Variants in CDC14A observed in about 807,000 individuals in gnomAD.
The protein encoded by CDC14A is cell division cycle 14A.
A neutral mutation model predicts 74.4 loss-of-function variants in CDC14A; 53 were observed. The observed-to-expected ratio is 0.71, with a 90% CI of 0.57 to 0.89. CDC14A has a LOEUF of 0.89. CDC14A is among the 40% of genes least tolerant of loss of function. The pLI is 0.00. For missense variants in CDC14A, 646 were observed against 713.7 expected, an observed-to-expected ratio of 0.91 and a Z score of 1.08; for synonymous variants, 247 against 258.4, an observed-to-expected ratio of 0.96 and a Z score of 0.43.
intron 7 of CDC14A, among the ~76,000 whole-genome samples, chr1:100,443,587 G>A (rs1331743295): frequency 1.3e-5 from 2 of 151,500 alleles, no homozygotes; most frequent in Non-Finnish European, 2.9e-5. Context: ...CTCTTGCCTC[G>A]GCCTCCCAAA....
At chr1:100,474,543 G>C (rs1668703970) in intron 10 of CDC14A, among the ~76,000 whole-genome samples, 2 of 150,566 alleles carry the variant, frequency 1.3e-5, no homozygotes, top group Non-Finnish European at 3.0e-5. Flanking sequence ...GGTGAATTAT[G>C]GTAGTTTGTT....
chr1:100,406,782 C>T (rs1197962500), intron 4 of CDC14A, among the ~76,000 whole-genome samples: 1 of 151,934 alleles, frequency 6.6e-6, no homozygotes, highest in East Asian at 1.9e-4. Context: ...AAAAATTAGC[C>T]AGGCTTGGTG....
chr1:100,492,014 T>C (rs966186768), intron 11 of CDC14A, among the ~76,000 whole-genome samples: 3 of 151,876 alleles, frequency 2.0e-5, no homozygotes, highest in African/African-American at 7.3e-5. Context: ...TTAAGTAAAC[T>C]TGAGGGGAGG....
upstream of CDC14A, chr1:100,351,895 C>G: frequency 8.5e-7 from 1 of 1,175,234 alleles, no homozygotes; most frequent in Non-Finnish European, 1.2e-6. Context: ...GATGCAGACC[C>G]CCTCAGTGTT....
At chr1:100,493,891 C>G (rs1271279395) in intron 11 of CDC14A, among the ~76,000 whole-genome samples, 1 of 152,156 alleles carries the variant, frequency 6.6e-6, no homozygotes, top group Non-Finnish European at 1.5e-5. Flanking sequence ...GATGGAAGTA[C>G]ATTTTTCATC....
chr1:100,415,484 G>A (rs916502921), intron 4 of CDC14A, among the ~76,000 whole-genome samples: 2 of 152,144 alleles, frequency 1.3e-5, no homozygotes, highest in Non-Finnish European at 2.9e-5. Flanking sequence ...CTGATGTCAG[G>A]TTCTGCTTAA....
intron 4 of CDC14A, among the ~76,000 whole-genome samples, chr1:100,409,605 G>A (rs1006632964): frequency 4.6e-5 from 7 of 152,198 alleles, no homozygotes; most frequent in African/African-American, 1.7e-4. Context: ...AAACAAAGGG[G>A]CTACAGGCCC....
chr1:100,392,893 C>G, intron 4 of CDC14A: 1 of 549,390 alleles, frequency 1.8e-6, no homozygotes, highest in East Asian at 3.6e-5. Context: ...ATAGAATTAC[C>G]GCAGCAGCCC....
At chr1:100,350,247 G>A (rs948904760), upstream of CDC14A, among the ~76,000 whole-genome samples, 3 of 151,972 alleles carry the variant, frequency 2.0e-5, no homozygotes, top group Non-Finnish European at 4.4e-5. Flanking sequence ...GAGCCACCGC[G>A]CCCAGACAAG....
chr1:100,387,439 C>T (rs1243408592), intron 3 of CDC14A, among the ~76,000 whole-genome samples: 7 of 152,090 alleles, frequency 4.6e-5, no homozygotes, highest in Admixed American at 3.9e-4. Flanking sequence ...GAAACTTAAC[C>T]GAGGAAACTG....
At chr1:100,455,641 G>A in intron 8 of CDC14A, 149 bp downstream of exon 8, 1 of 576,590 alleles carries the variant, frequency 1.7e-6, no homozygotes, top group South Asian at 2.5e-5. Context: ...GTAATAGTGT[G>A]TTAAATATTG....
rs1650501910 is a variant in CDC14A at position 100,519,326 on chromosome 1, T to C, written c.*1046T>C. 6.6e-6 allele frequency: 1 copy of C among 152,102 alleles called. No homozygotes were observed. The highest frequency in any genetic ancestry group is 1.5e-5 in the Non-Finnish European group (1 of 67,976). 9.4% of individuals were successfully genotyped at this position (152,102 alleles called of 1,614,324 possible). ...GGGTACAACCCCCTGCTGCACACGC[T>C]AGCATATCTGGAACCTACTATGAAA... On this transcript the variant is annotated 3_prime_UTR_variant, in exon 16 of 16. Transcript: ENST00000336454.
intron 3 of CDC14A, among the ~76,000 whole-genome samples, chr1:100,384,893 C>T (rs1263547981): frequency 1.3e-5 from 2 of 152,140 alleles, no homozygotes; most frequent in Non-Finnish European, 2.9e-5. Context: ...TCTTATTTAC[C>T]AGCTGCCCCA....
At chr1:100,402,588 C>G (rs1456965988) in intron 4 of CDC14A, among the ~76,000 whole-genome samples, 2 of 152,082 alleles carry the variant, frequency 1.3e-5, no homozygotes, top group Admixed American at 1.3e-4. Context: ...TGAAGTATCT[C>G]CACAGAACAC....
intron 11 of CDC14A, 161 bp downstream of exon 11, chr1:100,484,612 G>A (rs2101361496): frequency 1.7e-6 from 2 of 1,208,700 alleles, no homozygotes. Context: ...GCAGAGGAAA[G>A]AAACCAATTG....
intron 2 of CDC14A, among the ~76,000 whole-genome samples, chr1:100,359,147 G>GCAA (rs373653130): frequency 2.0e-5 from 3 of 152,184 alleles, no homozygotes; most frequent in Non-Finnish European, 2.9e-5. Context: ...TAAAGCCATA[G>GCAA]CAACAACAAC....
chr1:100,491,344 G>A (rs1670595395), intron 11 of CDC14A, among the ~76,000 whole-genome samples: 1 of 148,978 alleles, frequency 6.7e-6, no homozygotes, highest in Non-Finnish European at 1.5e-5. Flanking sequence ...AAGACTATGT[G>A]CCAGAATGTT....
At chr1:100,499,518 T>C in intron 15 of CDC14A, 1 of 1,199,784 alleles carries the variant, frequency 8.3e-7, no homozygotes. Flanking sequence ...TTAAGTAGTT[T>C]CTCTTAAAAG....
intron 9 of CDC14A, among the ~76,000 whole-genome samples, chr1:100,466,551 T>TGAAACA (rs1273487954): frequency 6.6e-6 from 1 of 152,014 alleles, no homozygotes; most frequent in African/African-American, 2.4e-5. Flanking sequence ...CCTCATCTAA[T>TGAAACA]GAAACAGAGT....
Sources: allele counts gnomAD v4.1 joint callset (sites outside exome capture counted in the v4.1 genomes callset), GRCh38; gene constraint gnomAD v4.1.1; transcripts MANE v1.5; gene names NCBI Gene and HGNC (gene_info 2026-07-23, HGNC 2026-07-21).